THSD7B: variants seen among roughly 807,000 people sequenced by gnomAD.
The protein encoded by THSD7B is thrombospondin type-1 domain-containing protein 7B.
A neutral mutation model predicts 213.6 loss-of-function variants in THSD7B; 138 were observed. That is an observed-to-expected ratio of 0.65 (90% CI 0.56 to 0.74). The LOEUF (loss-of-function observed/expected upper bound fraction) is 0.74, where lower values mean the gene tolerates loss of function less well. Ranked by LOEUF, THSD7B falls within the 30% of genes least tolerant of loss-of-function variation. The pLI, the probability that THSD7B is intolerant of heterozygous loss-of-function variation, is 0.00. For missense variants in THSD7B, 1,931 were observed against 1,991.5 expected (o/e 0.97, Z 0.58); for synonymous variants, 742 against 687.0 (o/e 1.08, Z -1.25).
intron 1 of THSD7B, among the ~76,000 whole-genome samples, chr2:136,791,258 G>T (rs765978313): frequency 4.0e-5 from 6 of 151,714 alleles, no homozygotes; most frequent in Non-Finnish European, 8.8e-5. Context: ...AGTGCTCTTG[G>T]GCAAGGAAAC....
intron 7 of THSD7B, among the ~76,000 whole-genome samples, chr2:137,180,946 C>T (rs1220767597): frequency 6.6e-6 from 1 of 152,160 alleles, no homozygotes; most frequent in Non-Finnish European, 1.5e-5. Context: ...TATTCCTAAC[C>T]ATACACTAAG....
intron 1 of THSD7B, among the ~76,000 whole-genome samples, chr2:136,827,788 A>G (rs1682681025): frequency 6.6e-6 from 1 of 151,770 alleles, no homozygotes. Flanking sequence ...AGAGAGAGAG[A>G]GAGAGATTGA....
intron 7 of THSD7B, among the ~76,000 whole-genome samples, chr2:137,192,158 C>A (rs981917839): frequency 2.0e-5 from 3 of 152,050 alleles, no homozygotes; most frequent in African/African-American, 7.2e-5. Flanking sequence ...GTGGGAAAAG[C>A]CCCTGTGATC....
intron 17 of THSD7B, among the ~76,000 whole-genome samples, chr2:137,591,300 T>C (rs181596608): frequency 7.2e-4 from 109 of 152,072 alleles, no homozygotes; most frequent in Middle Eastern, 3.4e-3. Context: ...CATTTAAAGA[T>C]ATTATTTTCT....
intron 12 of THSD7B, among the ~76,000 whole-genome samples, chr2:137,332,577 A>G (rs780800106): frequency 3.3e-5 from 5 of 152,126 alleles, no homozygotes; most frequent in African/African-American, 9.7e-5. Flanking sequence ...TTGTGTTTTG[A>G]AATGTGAGGA....
chr2:137,573,012 A>G (rs985753779), intron 17 of THSD7B, among the ~76,000 whole-genome samples: 3 of 151,864 alleles, frequency 2.0e-5, no homozygotes, highest in Non-Finnish European at 4.4e-5. Flanking sequence ...CCTGAAGATG[A>G]GGCATTCTTT....
chr2:137,513,272 A>G (rs1350925596), intron 15 of THSD7B, among the ~76,000 whole-genome samples: 2 of 152,358 alleles, frequency 1.3e-5, no homozygotes, highest in South Asian at 2.1e-4. Context: ...GAATTTGGGG[A>G]CAATAGGAAG....
chr2:137,288,922 C>G (rs1683250894), intron 12 of THSD7B, among the ~76,000 whole-genome samples: 1 of 151,946 alleles, frequency 6.6e-6, no homozygotes, highest in African/African-American at 2.4e-5. Flanking sequence ...AAAGGATGCT[C>G]CTTCACTTTG....
chr2:136,864,728 A>C (rs1368096230), intron 1 of THSD7B, among the ~76,000 whole-genome samples: 1 of 151,886 alleles, frequency 6.6e-6, no homozygotes, highest in Non-Finnish European at 1.5e-5. Flanking sequence ...AGTTTTTTGT[A>C]CTTTTAGTAG....
In THSD7B at chr2:137,263,918, T is replaced by C. The variant is rs567187289; in HGVS notation, c.2267-8615T>C. On this transcript the variant is annotated intron_variant, in intron 10 of 27. Transcript: ENST00000409968. ...ACAAAGAGAGAACATACTGGATTGA[T>C]GGATTTGGATAATAAATACAAAGTT... is the stretch of plus-strand genomic sequence containing the variant. Among the ~76,000 whole-genome samples the C allele has an allele frequency of 2.4e-4, 37 of 152,320 alleles. 1 individual carries two copies. Among genetic ancestry groups the C allele is most frequent in the Admixed American group, 2.0e-3 (31 of 15,302 alleles).
intron 2 of THSD7B, among the ~76,000 whole-genome samples, chr2:136,904,191 G>T (rs1684115380): frequency 1.3e-5 from 2 of 152,172 alleles, no homozygotes; most frequent in African/African-American, 2.4e-5. Context: ...TGGAGACGGG[G>T]AAGTGGTGAC....
intron 17 of THSD7B, among the ~76,000 whole-genome samples, chr2:137,586,647 A>T (rs1333843373): frequency 3.3e-5 from 5 of 152,186 alleles, no homozygotes; most frequent in Non-Finnish European, 5.9e-5. Flanking sequence ...TTTCTTTAAG[A>T]ATGTTGAATA....
At chr2:137,482,842 G>C (rs1489005703) in intron 15 of THSD7B, among the ~76,000 whole-genome samples, 1 of 152,182 alleles carries the variant, frequency 6.6e-6, no homozygotes, top group East Asian at 1.9e-4. Flanking sequence ...ACGGGTGAGA[G>C]GAAAGGCAGG....
intron 12 of THSD7B, among the ~76,000 whole-genome samples, chr2:137,314,127 A>G (rs370934883): frequency 4.6e-5 from 7 of 152,126 alleles, no homozygotes; most frequent in Non-Finnish European, 7.4e-5. Flanking sequence ...CATTCTCCCC[A>G]TCACTTTCAG....
At chr2:136,792,391 G>A (rs1681982129) in intron 1 of THSD7B, among the ~76,000 whole-genome samples, 1 of 151,976 alleles carries the variant, frequency 6.6e-6, no homozygotes, top group African/African-American at 2.4e-5. Flanking sequence ...ATGGGGCACA[G>A]AATATTCTTA....
At chr2:137,316,647 AC>A (rs1196513561) in intron 12 of THSD7B, among the ~76,000 whole-genome samples, 2 of 151,640 alleles carry the variant, frequency 1.3e-5, no homozygotes, top group Admixed American at 6.6e-5. Flanking sequence ...AGTCCCAGCT[AC>A]TCAGGAAGCT....
At chr2:137,312,960 G>T (rs1573953916) in intron 12 of THSD7B, among the ~76,000 whole-genome samples, 2 of 147,820 alleles carry the variant, frequency 1.4e-5, no homozygotes, top group East Asian at 2.0e-4. Flanking sequence ...GTGTGGTGTG[G>T]TGCTGAAAAA....
chr2:137,574,043 T>A (rs1573718200), intron 17 of THSD7B, among the ~76,000 whole-genome samples: 1 of 152,270 alleles, frequency 6.6e-6, no homozygotes, highest in South Asian at 2.1e-4. Flanking sequence ...TTAATCAACC[T>A]ATAGAAGAAT....
intron 5 of THSD7B, among the ~76,000 whole-genome samples, chr2:137,120,351 G>C (rs1437607210): frequency 1.3e-5 from 2 of 151,918 alleles, no homozygotes; most frequent in Non-Finnish European, 2.9e-5. Context: ...GGGGAGGGGA[G>C]GGAATGAGAA....
Sources: allele counts gnomAD v4.1 joint callset (sites outside exome capture counted in the v4.1 genomes callset), GRCh38; gene constraint gnomAD v4.1.1; transcripts MANE v1.5; gene names NCBI Gene and HGNC (gene_info 2026-07-23, HGNC 2026-07-21).